Variants in RIOK3 observed in about 807,000 individuals in gnomAD.
The protein encoded by RIOK3 is RIO kinase 3.
RIOK3 carries 40 observed loss-of-function variants against 63.5 expected under a neutral mutation model. The observed-to-expected ratio is 0.63, with a 90% CI of 0.49 to 0.82. The LOEUF (loss-of-function observed/expected upper bound fraction) is 0.82, where lower values mean the gene tolerates loss of function less well. Ranked by LOEUF, RIOK3 falls within the 40% of genes least tolerant of loss-of-function variation. The pLI is 0.00. For synonymous variants in RIOK3, 193 were observed against 205.0 expected, an observed-to-expected ratio of 0.94 and a Z score of 0.50; for missense variants, 557 against 637.0, an observed-to-expected ratio of 0.87 and a Z score of 1.35.
At chr18:23,467,045 G>A (rs2057413600) in intron 6 of RIOK3, among the ~76,000 whole-genome samples, 1 of 152,052 alleles carries the variant, frequency 6.6e-6, no homozygotes, top group Non-Finnish European at 1.5e-5. Flanking sequence ...GCCAGGCGTG[G>A]TGGCTCACAC....
In RIOK3 at chr18:23,464,059, A is replaced by G. The variant is rs912486061; in HGVS notation, c.272A>G (p.Glu91Gly). 3.1e-6 allele frequency: 5 copies of G among 1,613,540 alleles called. No homozygotes were observed. The Admixed American group carries it at 8.3e-5, about 27-fold the overall frequency. ...AQMLQMEYDR[E>G]YDAQLRREEK... ...ATGCTACAGATGGAATATGACAGAG[A>G]ATATGATGCACAGCTTAGGCGTGAA... is the stretch of plus-strand genomic sequence containing the variant. The change falls in exon 3 of 13, where the codon GAA (glutamate) becomes GGA (glycine). Residue 91 changes from glutamate to glycine, a missense_variant. Glu to Gly is a moderately conservative substitution (Grantham distance 98). Around this residue, in one of 3 missense-constraint regions of RIOK3, gnomAD observed 243 missense variants for 275.4 expected, o/e 0.88. Coordinates refer to ENST00000339486, the MANE Select transcript of RIOK3 (RefSeq NM_003831.5).
chr18:23,479,218 T>C, intron 11 of RIOK3, 99 bp from the exon 12 acceptor site: 4 of 700,106 alleles, frequency 5.7e-6, no homozygotes, highest in Non-Finnish European at 1.0e-5. Context: ...CACACGTGCA[T>C]GCATCCAAGT....
At position 23,464,129 on chromosome 18, in the gene RIOK3, G is replaced by A; in HGVS notation, c.325+17G>A. The A allele has an allele frequency of 6.2e-7, 1 of 1,608,178 alleles. No homozygotes were observed. On this transcript the variant is annotated intron_variant, in intron 3 of 12. Transcript: ENST00000339486. ...ATAGCAAAGGTATTATAACCTTATT[G>A]TGACAACTTCATTGAGTGGTAGAAA...
rs2057479190 is a variant in RIOK3, at chr18:23,474,941, T to C, written c.1014-7T>C. On this transcript the variant is annotated splice_polypyrimidine_tract_variant and splice_region_variant and intron_variant, in intron 8 of 12. Coordinates refer to ENST00000339486, the MANE Select transcript of RIOK3 (RefSeq NM_003831.5). The stretch of plus-strand genomic sequence containing the variant: ...CTGTATATTCTGAATCATTTCTTTA[T>C]GTATAGAATGCAGAGAGCTGGAATT... 1 of 1,593,460 alleles carries C rather than the reference T, an allele frequency of 6.3e-7. No homozygotes were observed. Among genetic ancestry groups the C allele is most frequent in the Admixed American group, 1.7e-5 (1 of 58,340 alleles).
intron 7 of RIOK3, among the ~76,000 whole-genome samples, chr18:23,469,773 A>C (rs2057443920): frequency 6.6e-6 from 1 of 152,066 alleles, no homozygotes; most frequent in African/African-American, 2.4e-5. Flanking sequence ...GGCGTGGGCC[A>C]CTGTGCCTGG....
chr18:23,454,308 A>C (rs1381894032), intron 1 of RIOK3, among the ~76,000 whole-genome samples: 2 of 152,200 alleles, frequency 1.3e-5, no homozygotes, highest in Non-Finnish European at 1.5e-5. Flanking sequence ...CTAACACAGA[A>C]TATTTGTTCC....
chr18:23,478,695 G>A (rs891738801), intron 11 of RIOK3, among the ~76,000 whole-genome samples: 2 of 119,250 alleles, frequency 1.7e-5, no homozygotes, highest in Non-Finnish European at 3.5e-5. Context: ...GGTCACACTT[G>A]TTTGGCATTT....
rs2057538624 is a variant in RIOK3 at position 23,482,062 on chromosome 18, G to A, written c.*783G>A. ...CAATAAAATGTAAATTATCTGAAAG[G>A]ACAGAATATAAGATTTAACCATGTT... On this transcript the variant is annotated 3_prime_UTR_variant, in exon 13 of 13. Transcript: ENST00000339486. The A allele has an allele frequency of 6.6e-6, 1 of 152,106 alleles. No individual in the cohort carries two copies. Among genetic ancestry groups the A allele is most frequent in the African/African-American group, 2.4e-5 (1 of 41,408 alleles). The allele number at this position is 152,106 out of a possible 1,614,324, so 9.4% of individuals were successfully genotyped here.
intron 1 of RIOK3, among the ~76,000 whole-genome samples, chr18:23,462,673 C>A (rs1397458738): frequency 1.3e-5 from 2 of 152,222 alleles, no homozygotes; most frequent in East Asian, 3.8e-4. Flanking sequence ...TACATGAACT[C>A]ATTGGCTAGT....
At chr18:23,470,297 G>A (rs200798079) in intron 7 of RIOK3, among the ~76,000 whole-genome samples, 122 of 103,300 alleles carry the variant, frequency 1.2e-3, no homozygotes, top group African/African-American at 5.6e-3. Context: ...ACCTGGGAGC[G>A]GAGCTTGCAG....
chr18:23,479,769 G>T (rs2057519229), intron 12 of RIOK3, among the ~76,000 whole-genome samples: 1 of 151,986 alleles, frequency 6.6e-6, no homozygotes, highest in Non-Finnish European at 1.5e-5. Flanking sequence ...TAGAGACAGG[G>T]TTTCGCCATG....
intron 1 of RIOK3, among the ~76,000 whole-genome samples, chr18:23,461,123 C>G (rs954755755): frequency 8.5e-5 from 13 of 152,188 alleles, no homozygotes; most frequent in Non-Finnish European, 1.8e-4. Flanking sequence ...AAGTAAATTC[C>G]TGAATGTCAG....
Position 23,481,425 on chromosome 18 carries a change from GA to G in RIOK3, c.*147del. The stretch of plus-strand genomic sequence containing the variant: ...TTTCCCCCTTGTAACCCATGTGCCA[GA>G]TGTGTGGAATTTTTAGCTCAGCATT... On this transcript the variant is annotated 3_prime_UTR_variant, in exon 13 of 13. Coordinates refer to ENST00000339486, the MANE Select transcript of RIOK3 (RefSeq NM_003831.5). The G allele has an allele frequency of 1.8e-6, 1 of 541,776 alleles. No homozygotes were observed. The highest frequency in any genetic ancestry group is 2.8e-5 in the South Asian group (1 of 35,970). The allele number at this position is 541,776 out of a possible 1,614,324, so 33.6% of individuals were successfully genotyped here. A position where few individuals can be genotyped will look rare whatever the true frequency, so the allele number is the denominator to read the frequency against.
At chr18:23,460,754 A>G (rs937108814) in intron 1 of RIOK3, among the ~76,000 whole-genome samples, 8 of 152,212 alleles carry the variant, frequency 5.3e-5, no homozygotes, top group African/African-American at 1.9e-4. Flanking sequence ...TAGAGGATAC[A>G]GAAGGAAGTC....
chr18:23,478,606 C>CATATAT lies in RIOK3; in HGVS notation c.1345-664_1345-659dup, dbSNP rs67305895. ...GGCCCTGTCTCTTAAAAAAACAAAA[C>CATATAT]ATATATATATATATATATATATATA... On this transcript the variant is annotated intron_variant, in intron 11 of 12. Transcript: ENST00000339486. Among the ~76,000 whole-genome samples the CATATAT allele has an allele frequency of 1.5e-3, 192 of 130,832 alleles. 3 individuals are homozygous for CATATAT. Among genetic ancestry groups the CATATAT allele is most frequent in the African/African-American group, 1.9e-3 (60 of 31,224 alleles). The allele number at this position is 130,832 out of a possible 152,430, so 85.8% of individuals were successfully genotyped here.
At chr18:23,453,575 C>A in intron 1 of RIOK3, 73 bp downstream of exon 1, 1 of 1,331,314 alleles carries the variant, frequency 7.5e-7, no homozygotes. Flanking sequence ...TCGGAGAGGG[C>A]GGCTTCGTGG....
chr18:23,478,630 T>TGGTA, intron 11 of RIOK3, among the ~76,000 whole-genome samples: 1 of 10,434 alleles, frequency 9.6e-5, no homozygotes, highest in Non-Finnish European at 2.6e-4. Context: ...TATATATATA[T>TGGTA]ATATATATAT....
chr18:23,478,406 A>C (rs2057507971), intron 11 of RIOK3, among the ~76,000 whole-genome samples: 1 of 151,966 alleles, frequency 6.6e-6, no homozygotes, highest in African/African-American at 2.4e-5. Flanking sequence ...CTATCTCTAC[A>C]AAAAAATTTA....
In RIOK3 at chr18:23,477,357, T is replaced by G. The variant is rs771182637; in HGVS notation, c.1344+89T>G. On this transcript the variant is annotated intron_variant, in intron 11 of 12. Coordinates refer to ENST00000339486, the MANE Select transcript of RIOK3 (RefSeq NM_003831.5). ...TCCTAAGATAAGTAAGAGGACCATA[T>G]TCTTAGAAATTGAAGGAAGGGATAC... 3.9e-4 allele frequency: 381 copies of G among 980,284 alleles called. 3 individuals are homozygous for G. The highest frequency in any genetic ancestry group is 2.6e-4 in the Admixed American group (15 of 56,956). 60.7% of individuals were successfully genotyped at this position (980,284 alleles called of 1,614,324 possible).
Sources: allele counts gnomAD v4.1 joint callset (sites outside exome capture counted in the v4.1 genomes callset), GRCh38; gene constraint gnomAD v4.1.1; regional missense constraint gnomAD v4.1.1; transcripts MANE v1.5; gene names NCBI Gene and HGNC (gene_info 2026-07-23, HGNC 2026-07-21).